The following DNAH3 variants were observed in gnomAD, a reference collection of about 807,000 sequenced individuals.
DNAH3 encodes dynein axonemal heavy chain 3, also known as axonemal beta dynein heavy chain 3.
A neutral mutation model predicts 432.5 loss-of-function variants in DNAH3; 332 were observed. The ratio of observed to expected loss-of-function variants is 0.77; its 90% CI spans 0.70 to 0.84. DNAH3 has a LOEUF of 0.84. DNAH3 is among the 40% of genes least tolerant of loss of function. DNAH3 has a pLI of 0.00. For synonymous variants in DNAH3, 1,956 were observed against 1,900.2 expected, an observed-to-expected ratio of 1.03 and a Z score of -0.76; for missense variants, 4,861 against 5,114.0, an observed-to-expected ratio of 0.95 and a Z score of 1.51.
At chr16:21,058,266 G>A in intron 26 of DNAH3, 70 bp from the exon 27 acceptor site, 1 of 902,200 alleles carries the variant, frequency 1.1e-6, no homozygotes, top group East Asian at 2.6e-5. Flanking sequence ...ACGAAAACAT[G>A]CCCCAACCAC....
intron 41 of DNAH3, among the ~76,000 whole-genome samples, chr16:21,016,426 A>C (rs2087859550): frequency 6.6e-6 from 1 of 152,200 alleles, no homozygotes; most frequent in Admixed American, 6.5e-5. Flanking sequence ...ACATATTTTT[A>C]TTGTATATTT....
intron 52 of DNAH3, 104 bp downstream of exon 52, chr16:20,969,688 T>C: frequency 7.8e-7 from 1 of 1,281,990 alleles, no homozygotes; most frequent in South Asian, 1.2e-5. Context: ...AACTCAGTGA[T>C]CTTGCCTGCA....
At chr16:20,944,693 C>T (rs776453611) in intron 57 of DNAH3, 30 bp from the exon 58 acceptor site, 28 of 1,610,956 alleles carry the variant, frequency 1.7e-5, no homozygotes, top group African/African-American at 2.7e-5. Context: ...TTGAAATCAA[C>T]GAGGGACCCC....
intron 39 of DNAH3, among the ~76,000 whole-genome samples, chr16:21,024,001 G>A (rs1156800478): frequency 6.6e-6 from 1 of 152,076 alleles, no homozygotes; most frequent in African/African-American, 2.4e-5. Flanking sequence ...ACACAGGGGA[G>A]GGCAAGAGGA....
At chr16:20,935,523 C>T in intron 60 of DNAH3, 38 bp from the exon 61 acceptor site, 3 of 1,602,726 alleles carry the variant, frequency 1.9e-6, no homozygotes, top group Non-Finnish European at 1.7e-6. Context: ...AAATCAACAA[C>T]ACATCAAAGA....
chr16:21,072,836 A>ATTT, intron 21 of DNAH3, among the ~76,000 whole-genome samples: 1 of 147,538 alleles, frequency 6.8e-6, no homozygotes, highest in East Asian at 2.0e-4. Context: ...TATTATTATT[A>ATTT]TTATTACTAT....
intron 9 of DNAH3, among the ~76,000 whole-genome samples, chr16:21,123,762 T>G (rs1001603528): frequency 6.6e-6 from 1 of 152,174 alleles, no homozygotes; most frequent in African/African-American, 2.4e-5. Context: ...CTATGGTGCT[T>G]TGAAAACTAG....
chr16:20,944,298 T>C (rs1466108487), intron 58 of DNAH3, among the ~76,000 whole-genome samples, 198 bp downstream of exon 58: 1 of 152,212 alleles, frequency 6.6e-6, no homozygotes, highest in Non-Finnish European at 1.5e-5. Flanking sequence ...AGCTGACATT[T>C]TGGAAACACT....
intron 41 of DNAH3, among the ~76,000 whole-genome samples, chr16:21,011,245 G>A (rs1204407142): frequency 1.3e-5 from 2 of 152,158 alleles, no homozygotes; most frequent in African/African-American, 4.8e-5. Context: ...GATTTTGAAG[G>A]ATGAGGAAGG....
chr16:21,134,219 T>C (rs1417357533), intron 7 of DNAH3, 40 bp downstream of exon 8: 1 of 1,583,564 alleles, frequency 6.3e-7, no homozygotes. Context: ...GTGGATGTGG[T>C]CAAGAAAGGG....
At chr16:21,023,786 GGTGTGTGT>G (rs3220045) in intron 39 of DNAH3, among the ~76,000 whole-genome samples, 28 of 146,482 alleles carry the variant, frequency 1.9e-4, no homozygotes, top group African/African-American at 2.3e-4. Context: ...CAGCTTTTGG[GGTGTGTGT>G]GTGTGTGTGT....
intron 25 of DNAH3, among the ~76,000 whole-genome samples, chr16:21,060,849 AT>A (rs1460956975): frequency 1.4e-5 from 1 of 69,532 alleles, no homozygotes; most frequent in African/African-American, 5.4e-5. Flanking sequence ...TTTTTTTTTT[AT>A]AGAGAGAGAC....
intron 41 of DNAH3, among the ~76,000 whole-genome samples, chr16:21,009,898 G>T (rs1645691527): frequency 9.1e-6 from 1 of 110,072 alleles, no homozygotes; most frequent in Non-Finnish European, 1.8e-5. Flanking sequence ...AAGAAAAGAG[G>T]AGAGGAGAGG....
intron 52 of DNAH3, among the ~76,000 whole-genome samples, chr16:20,965,956 G>A (rs2152626901): frequency 7.1e-6 from 1 of 141,004 alleles, no homozygotes; most frequent in East Asian, 2.1e-4. Flanking sequence ...CATGTGATCT[G>A]CCTACCTCGG....
At chr16:21,038,771 A>G (rs2089290530) in intron 33 of DNAH3, among the ~76,000 whole-genome samples, 2 of 152,334 alleles carry the variant, frequency 1.3e-5, no homozygotes, top group South Asian at 4.1e-4. Context: ...TAAATAAATA[A>G]ATGAATTGAG....
intron 2 of DNAH3, 73 bp from the exon 4 acceptor site, chr16:21,145,479 G>A (rs1486913669): frequency 1.5e-6 from 2 of 1,351,618 alleles, no homozygotes; most frequent in East Asian, 2.3e-5. Flanking sequence ...TGCTCACACT[G>A]AGGCTCACAA....
intron 20 of DNAH3, among the ~76,000 whole-genome samples, chr16:21,078,772 G>T (rs2091069705): frequency 6.6e-6 from 1 of 152,234 alleles, no homozygotes; most frequent in South Asian, 2.1e-4. Flanking sequence ...TATATCAGGA[G>T]TTGACCTCAC....
chr16:20,959,581 G>A (rs2084721167), intron 53 of DNAH3, among the ~76,000 whole-genome samples, 177 bp from the exon 54 acceptor site: 1 of 150,580 alleles, frequency 6.6e-6, no homozygotes, highest in African/African-American at 2.5e-5. Flanking sequence ...ACCAGCCTGG[G>A]CAACACAGTG....
At chr16:21,045,228 G>A (rs2089639978) in intron 31 of DNAH3, among the ~76,000 whole-genome samples, 1 of 151,682 alleles carries the variant, frequency 6.6e-6, no homozygotes, top group African/African-American at 2.4e-5. Context: ...TCTATTGATT[G>A]GAATGGTTTC....
Sources: gnomAD v4.1 joint callset for allele counts (sites outside exome capture counted in the v4.1 genomes callset) on GRCh38, gnomAD v4.1.1 for gene constraint, MANE v1.5 for transcripts, NCBI Gene and HGNC (gene_info 2026-07-23, HGNC 2026-07-21) for gene names.